LRP2: variants seen among roughly 807,000 people sequenced by gnomAD.
The protein encoded by LRP2 is LDL receptor related protein 2, also known as low-density lipoprotein receptor-related protein 2.
Under a neutral mutation model 531.0 loss-of-function variants are expected in LRP2, and 172 were observed. That is an observed-to-expected ratio of 0.32 (90% CI 0.29 to 0.37). The LOEUF (loss-of-function observed/expected upper bound fraction) is 0.37, where lower values mean the gene tolerates loss of function less well. Among genes scored for constraint, LRP2 ranks in the 10% least tolerant of loss-of-function variants. LRP2 has a pLI of 1.00. For missense variants in LRP2, 5,167 were observed against 5,868.3 expected (o/e 0.88, Z 3.90); for synonymous variants, 1,992 against 2,027.6 (o/e 0.98, Z 0.47).
Position 169,275,054 on chromosome 2 carries a change from A to C in LRP2, c.1957T>G (p.Ser653Ala), listed in dbSNP as rs570379421. ...GGCTTACCATAGGGCTGTCTGAGGG[A>C]ATGGTAAACAGTCACTCCATAGGGC... ...LRPYGVTVYH[S>A]LRQPYATNPC... The change falls in exon 14 of 79, where the codon TCC becomes GCC. Residue 653 changes from serine to alanine, a missense_variant. By Grantham distance (99) the Ser-to-Ala change is moderately conservative. This residue lies in a region of LRP2 where 2,811 missense variants were observed against 3,058.0 expected (regional missense o/e 0.92). Transcript: ENST00000649046. 1 of 1,613,602 alleles carries C rather than the reference A, an allele frequency of 6.2e-7. No individual in the cohort carries two copies. The highest frequency in any genetic ancestry group is 8.5e-7 in the Non-Finnish European group (1 of 1,179,704).
chr2:169,237,377 T>A, intron 27 of LRP2, 90 bp from the exon 28 acceptor site: 1 of 1,036,728 alleles, frequency 9.6e-7, no homozygotes, highest in Non-Finnish European at 1.5e-6. Flanking sequence ...TTAAACCATC[T>A]AACTTGTCCT....
chr2:169,169,672 G>T, intron 60 of LRP2, 30 bp downstream of exon 60: 1 of 1,521,332 alleles, frequency 6.6e-7, no homozygotes, highest in Non-Finnish European at 9.1e-7. Context: ...TCTCAGGTAA[G>T]CAGTACTACA....
intron 4 of LRP2, among the ~76,000 whole-genome samples, chr2:169,298,170 G>A (rs1015583745): frequency 4.6e-5 from 7 of 150,872 alleles, no homozygotes; most frequent in African/African-American, 2.4e-5. Context: ...TACTTCAAGC[G>A]CTACCCACAA....
intron 69 of LRP2, among the ~76,000 whole-genome samples, chr2:169,146,138 T>C (rs546542939): frequency 6.6e-6 from 1 of 152,154 alleles, no homozygotes; most frequent in Non-Finnish European, 1.5e-5. Flanking sequence ...TTAAACCACA[T>C]TGATGTATAC....
At chr2:169,358,723 T>C (rs564199789) in intron 1 of LRP2, among the ~76,000 whole-genome samples, 1 of 152,296 alleles carries the variant, frequency 6.6e-6, no homozygotes, top group African/African-American at 2.4e-5. Context: ...CCAGGTAAGG[T>C]GGCTCCTGCC....
intron 4 of LRP2, among the ~76,000 whole-genome samples, chr2:169,306,580 CT>C (rs1455572871): frequency 6.6e-6 from 1 of 151,944 alleles, no homozygotes. Flanking sequence ...TGTGGTATGC[CT>C]GAGATTAAAG....
rs200364114 is a variant in LRP2, at chr2:169,170,652, G to A, written c.11279C>T (p.Thr3760Ile). The change falls in exon 59 of 79, where the codon ACA becomes ATA. Residue 3760 changes from threonine to isoleucine, a missense_variant. Physicochemically the swap from Thr to Ile is moderately conservative, Grantham distance 89. Around this residue, in one of 6 missense-constraint regions of LRP2, gnomAD observed 564 missense variants for 747.7 expected, o/e 0.75. Transcript: ENST00000649046. The stretch of plus-strand genomic sequence containing the variant: ...ATTGACACATCGAAACTCGCTCTCT[G>A]TGCACTCCCGGGGAGCTGGAAAGGA... ...DEENCAPREC[T>I]ESEFRCVNQQ... 1 of 1,613,540 alleles carries A rather than the reference G, an allele frequency of 6.2e-7. No individual in the cohort carries two copies. Among genetic ancestry groups the A allele is most frequent in the Non-Finnish European group, 8.5e-7 (1 of 1,179,644 alleles).
At chr2:169,248,253 T>C (rs1261688516) in intron 19 of LRP2, among the ~76,000 whole-genome samples, 1 of 152,212 alleles carries the variant, frequency 6.6e-6, no homozygotes, top group Non-Finnish European at 1.5e-5. Context: ...TAAACATATA[T>C]TTTTAAAAGA....
At chr2:169,263,914 C>T (rs1036880004) in intron 16 of LRP2, among the ~76,000 whole-genome samples, 38 of 152,062 alleles carry the variant, frequency 2.5e-4, no homozygotes, top group African/African-American at 8.7e-4. Context: ...TACTATGCAG[C>T]CATAAAAAAT....
intron 71 of LRP2, among the ~76,000 whole-genome samples, chr2:169,141,116 C>T (rs189707669): frequency 3.5e-4 from 54 of 152,228 alleles, no homozygotes; most frequent in Admixed American, 1.1e-3. Flanking sequence ...CCAGGATGTG[C>T]CTGATGGGGA....
At chr2:169,161,087 G>GAGGAAACC (rs1212343961) in intron 63 of LRP2, among the ~76,000 whole-genome samples, 2 of 152,202 alleles carry the variant, frequency 1.3e-5, no homozygotes, top group Admixed American at 1.3e-4. Context: ...TTTTTCCTGT[G>GAGGAAACC]AGGAAACCAA....
Position 169,230,533 on chromosome 2 carries a change from A to G in LRP2, c.5227+1181T>C, listed in dbSNP as rs529596209. On this transcript the variant is annotated intron_variant, in intron 31 of 78. Coordinates refer to ENST00000649046, the MANE Select transcript of LRP2 (RefSeq NM_004525.3). ...TTTCCTTCTAGATTAGGACTCTATT[A>G]TCTCTTAATTTAGGAATATGTGATC... 2.0e-5 allele frequency among the ~76,000 whole-genome samples: 3 copies of G among 152,302 alleles called. No individual in the cohort carries two copies. In the South Asian group the frequency reaches 6.2e-4, roughly 32 times the overall value.
Position 169,205,511 on chromosome 2 carries a change from T to C in LRP2, c.7683A>G (p.Glu2561=), listed in dbSNP as rs764051578. The C allele has an allele frequency of 9.3e-6, 15 of 1,614,026 alleles. No individual in the cohort carries two copies. In the Admixed American group the frequency reaches 1.3e-4, roughly 14 times the overall value. The change falls in exon 41 of 79, where the codon GAA becomes GAG. Residue 2561 remains glutamate (E), a synonymous_variant. Coordinates refer to ENST00000649046, the MANE Select transcript of LRP2 (RefSeq NM_004525.3). The part of the protein sequence containing the change: ...VMPSGLTLDY[E]EDLLYWVDAS... Reference sequence around the variant, plus strand: ...CATCCACCCAGTAGAGAAGGTCCTCTTCATAGTCCAGAGTCAGCCCACTGG... The same window carrying C: ...CATCCACCCAGTAGAGAAGGTCCTCCTCATAGTCCAGAGTCAGCCCACTGG...
chr2:169,231,555 C>A (rs565306036), intron 31 of LRP2, among the ~76,000 whole-genome samples, 159 bp downstream of exon 31: 1 of 152,294 alleles, frequency 6.6e-6, no homozygotes, highest in African/African-American at 2.4e-5. Flanking sequence ...CCAAGGCACA[C>A]AGTGACATCA....
intron 56 of LRP2, 69 bp from the exon 57 acceptor site, chr2:169,173,293 A>G: frequency 6.3e-7 from 1 of 1,588,920 alleles, no homozygotes; most frequent in Non-Finnish European, 8.6e-7. Flanking sequence ...TGTCACATTG[A>G]GGTTGTGGTA....
At chr2:169,139,157 C>A in intron 74 of LRP2, 94 bp downstream of exon 74, 1 of 1,586,108 alleles carries the variant, frequency 6.3e-7, no homozygotes, top group Non-Finnish European at 8.7e-7. Flanking sequence ...GCGTATTGTG[C>A]TTTTTTAACT....
At chr2:169,347,657 T>C (rs1342343853) in intron 1 of LRP2, among the ~76,000 whole-genome samples, 1 of 151,656 alleles carries the variant, frequency 6.6e-6, no homozygotes, top group Non-Finnish European at 1.5e-5. Context: ...GAGAAATCAA[T>C]CCGTACCTAA....
chr2:169,179,445 G>T (rs1687344474), intron 52 of LRP2, among the ~76,000 whole-genome samples: 1 of 152,266 alleles, frequency 6.6e-6, no homozygotes, highest in East Asian at 1.9e-4. Context: ...ACACAGCTGG[G>T]TGCAGTGGCT....
At chr2:169,314,815 A>G (rs1684714109) in intron 3 of LRP2, among the ~76,000 whole-genome samples, 1 of 152,254 alleles carries the variant, frequency 6.6e-6, no homozygotes, top group South Asian at 2.1e-4. Flanking sequence ...ACACAATTTT[A>G]TCTGAAAAAG....
Sources: gnomAD v4.1 joint callset for allele counts (sites outside exome capture counted in the v4.1 genomes callset) on GRCh38, gnomAD v4.1.1 for gene constraint, gnomAD v4.1.1 regional missense constraint, MANE v1.5 for transcripts, NCBI Gene and HGNC (gene_info 2026-07-23, HGNC 2026-07-21) for gene names.